The following DDR1 variants were observed in gnomAD, a reference collection of about 807,000 sequenced individuals.
The protein encoded by DDR1 is discoidin domain receptor tyrosine kinase 1, also known as epithelial discoidin domain-containing receptor 1.
DDR1 carries 64 observed loss-of-function variants against 97.4 expected under a neutral mutation model. The ratio of observed to expected loss-of-function variants is 0.66; its 90% confidence interval spans 0.54 to 0.81. The LOEUF (loss-of-function observed/expected upper bound fraction) is 0.81. DDR1 is among the 30% of genes least tolerant of loss of function. The pLI is 0.00. For synonymous variants in DDR1, 458 were observed against 503.7 expected (o/e 0.91, Z 1.21); for missense variants, 990 against 1,259.6 (o/e 0.79, Z 3.24).
chr6:30,898,437 T>C, intron 16 of DDR1, 130 bp downstream of exon 16: 1 of 715,530 alleles, frequency 1.4e-6, no homozygotes, highest in East Asian at 2.7e-5. Flanking sequence ...ATCTATAATA[T>C]GAGGTTCTCC....
In DDR1 at chr6:30,890,956, T is replaced by G; in HGVS notation, c.418-17T>G. On this transcript the variant is annotated splice_polypyrimidine_tract_variant and intron_variant, in intron 4 of 17. Coordinates refer to ENST00000376568, the MANE Select transcript of DDR1 (RefSeq NM_001297654.2). This position sits in a 1 kb window ranked among gnomAD's most constrained non-coding sequence, Gnocchi z 5.0. ...CCTGGACTCCATCCCACCCACCCCCTGTTTCCTGGCCCACAGGTGATCTCA... is the reference window on the plus strand; with the variant it reads ...CCTGGACTCCATCCCACCCACCCCCGGTTTCCTGGCCCACAGGTGATCTCA... The G allele has an allele frequency of 6.1e-6, 8 of 1,317,464 alleles. No homozygotes were observed. The highest frequency in any genetic ancestry group is 8.2e-6 in the Non-Finnish European group (8 of 970,180). 81.6% of individuals were successfully genotyped at this position (1,317,464 alleles called of 1,614,324 possible). A position where few individuals can be genotyped will look rare whatever the true frequency, so the allele number is the denominator to read the frequency against.
At position 30,899,049 on chromosome 6, in the gene DDR1, G is replaced by A. The variant is rs1384232524; in HGVS notation, c.2601+12G>A. 1 of 1,614,048 alleles carries A rather than the reference G, an allele frequency of 6.2e-7. No homozygotes were observed. Among genetic ancestry groups the A allele is most frequent in the East Asian group, 2.2e-5 (1 of 44,882 alleles). Reference sequence around the variant, plus strand: ...ACCAGGGCCGGCAGGTCAGAGTGGAGGAGAGGGAAGATGGGTCCGAGGCGG... The same window carrying A: ...ACCAGGGCCGGCAGGTCAGAGTGGAAGAGAGGGAAGATGGGTCCGAGGCGG... On this transcript the variant is annotated intron_variant, in intron 17 of 17. Coordinates refer to ENST00000376568, the MANE Select transcript of DDR1 (RefSeq NM_001297654.2).
rs1582065313 is a variant in DDR1 at position 30,892,842 on chromosome 6, C to T, written c.1100-226C>T. The T allele has an allele frequency of 1.0e-5, 6 of 589,424 alleles. No homozygotes were observed. In the East Asian group the frequency reaches 1.7e-4, roughly 17 times the overall value. 36.5% of individuals were successfully genotyped at this position (589,424 alleles called of 1,614,324 possible). A position where few individuals can be genotyped will look rare whatever the true frequency, so the allele number is the denominator to read the frequency against. ...TTGAGAAATAGCCTCTTCTCTAAGC[C>T]TCCAGATACCTGTCCTCCACCTCCC... On this transcript the variant is annotated intron_variant, in intron 8 of 17. Transcript: ENST00000376568.
intron 1 of DDR1, among the ~76,000 whole-genome samples, chr6:30,887,517 A>G (rs920404273): frequency 1.1e-4 from 17 of 152,048 alleles, no homozygotes; most frequent in South Asian, 1.0e-3. Context: ...TGTTTATTCT[A>G]TTTTCAAAAG....
intron 16 of DDR1, 87 bp downstream of exon 16, chr6:30,898,394 A>G (rs1445357941): frequency 4.1e-6 from 4 of 967,394 alleles, no homozygotes; most frequent in Admixed American, 2.2e-5. Context: ...CATCAGTCAC[A>G]CACTTTCTCT....
In DDR1 at chr6:30,892,647, C is replaced by T. The variant is rs376005826; in HGVS notation, c.1099+105C>T. On this transcript the variant is annotated intron_variant, in intron 8 of 17. Coordinates refer to ENST00000376568, the MANE Select transcript of DDR1 (RefSeq NM_001297654.2). Reference sequence around the variant, plus strand: ...TACTCATTCCTTGCATTATATCTACCCATCACCCACCGAAACTTCTCAATT... The same window carrying T: ...TACTCATTCCTTGCATTATATCTACTCATCACCCACCGAAACTTCTCAATT... 5,161 of 1,433,916 alleles carry T rather than the reference C, an allele frequency of 3.6e-3. 3 individuals are homozygous for T. The highest frequency in any genetic ancestry group is 4.2e-3 in the Non-Finnish European group (4,523 of 1,081,826). The allele number at this position is 1,433,916 out of a possible 1,614,324, so 88.8% of individuals were successfully genotyped here.
rs1193559823 is a variant in DDR1, at chr6:30,898,960, G to A, written c.2524G>A (p.Ala842Thr). The change falls in exon 17 of 18, where the codon GCC becomes ACC. Residue 842 changes from alanine to threonine, a missense_variant. Physicochemically the swap from Ala to Thr is moderately conservative, Grantham distance 58. Transcript: ENST00000376568. ...TLWEVLMLCR[A>T]QPFGQLTDEQ... ...GTGGGAGGTGCTGATGCTCTGTAGG[G>A]CCCAGCCCTTTGGGCAGCTCACCGA... 6.2e-7 allele frequency: 1 copy of A among 1,614,160 alleles called. No individual in the cohort carries two copies. Among genetic ancestry groups the A allele is most frequent in the South Asian group, 1.1e-5 (1 of 91,088 alleles).
rs1262434732 is a variant in DDR1, at chr6:30,890,984, C to G, written c.429C>G (p.Gly143=). 1.2e-6 allele frequency: 2 copies of G among 1,605,328 alleles called. No individual in the cohort carries two copies. Among genetic ancestry groups the G allele is most frequent in the Non-Finnish European group, 1.7e-6 (2 of 1,176,214 alleles). Residue 143 remains glycine (G), a synonymous_variant, in exon 5 of 18, where the codon GGC becomes GGG. Coordinates refer to ENST00000376568, the MANE Select transcript of DDR1 (RefSeq NM_001297654.2). This position sits in a 1 kb window ranked among gnomAD's most constrained non-coding sequence, Gnocchi z 5.0. ...TTCCTGGCCCACAGGTGATCTCAGG[C>G]AATGAGGACCCTGAGGGAGTGGTGC... ...KDRWGQEVIS[G]NEDPEGVVLK... is the part of the protein sequence containing the mutation.
chr6:30,898,899 G>C lies in DDR1; in HGVS notation c.2463G>C (p.Thr821=). The stretch of plus-strand genomic sequence containing the variant: ...TCTCTGCATCCCAGGGGAAGTTCAC[G>C]ACTGCGAGTGACGTGTGGGCCTTTG... The part of the protein sequence containing the change: ...AWECILMGKF[T]TASDVWAFGV... The change falls in exon 17 of 18, where the codon ACG becomes ACC. Residue 821 remains threonine (T), a synonymous_variant. Coordinates refer to ENST00000376568, the MANE Select transcript of DDR1 (RefSeq NM_001297654.2). 1 of 1,607,096 alleles carries C rather than the reference G, an allele frequency of 6.2e-7. No individual in the cohort carries two copies. The highest frequency in any genetic ancestry group is 8.5e-7 in the Non-Finnish European group (1 of 1,174,270).
upstream of DDR1, among the ~76,000 whole-genome samples, chr6:30,882,328 A>G (rs938107330): frequency 6.6e-6 from 1 of 152,046 alleles, no homozygotes; most frequent in Non-Finnish European, 1.5e-5. This position sits in a 1 kb window ranked among gnomAD's most constrained non-coding sequence, Gnocchi z 4.8. Flanking sequence ...GAAGCCCAGG[A>G]TGGGAGGGGA....
rs763660851 is a variant in DDR1 at position 30,897,079 on chromosome 6, T to C, written c.1935T>C (p.Arg645=). The change falls in exon 14 of 18, where the codon CGT becomes CGC. Residue 645 remains arginine, a synonymous_variant. Transcript: ENST00000376568. The surrounding 1 kb of genome is among the most constrained non-coding windows in gnomAD (Gnocchi z 5.2). ...GTCTTGATTTCCCCCTTAATGTGCGTAAGGGACACCCTTTGCTGGTAGCTG... is the reference window on the plus strand; with the variant it reads ...GTCTTGATTTCCCCCTTAATGTGCGCAAGGGACACCCTTTGCTGGTAGCTG... ...LVSLDFPLNV[R]KGHPLLVAVK... is the part of the protein sequence containing the mutation. 108 of 1,613,728 alleles carry C rather than the reference T, an allele frequency of 6.7e-5. No individual in the cohort carries two copies. The highest frequency in any genetic ancestry group is 8.5e-5 in the Non-Finnish European group (100 of 1,179,940).
chr6:30,895,471 G>T lies in DDR1; in HGVS notation c.1581G>T (p.Pro527=). Residue 527 remains proline, a synonymous_variant, in exon 12 of 18, where the codon CCG becomes CCT. Transcript: ENST00000376568. The part of the protein sequence containing the change: ...LATYARPPRG[P]GPPTPAWAKP... ...CTTACGCCCGTCCCCCTCGAGGCCC[G>T]GGCCCCCCCACACCCGCCTGGGCCA... The T allele has an allele frequency of 6.2e-7, 1 of 1,605,718 alleles. No homozygotes were observed. The highest frequency in any genetic ancestry group is 8.5e-7 in the Non-Finnish European group (1 of 1,178,456).
chr6:30,896,394 A>G (rs1790759121), intron 12 of DDR1, among the ~76,000 whole-genome samples: 1 of 152,084 alleles, frequency 6.6e-6, no homozygotes, highest in Non-Finnish European at 1.5e-5. Flanking sequence ...GTTTTGCTCA[A>G]CCATATTCAT....
In DDR1 at chr6:30,884,611, G is replaced by A. The variant is rs147143466; in HGVS notation, c.-142G>A. ...CCGGCGCCTCCCGCTCCCGGCTCCC[G>A]GCTCCTGGCTCCCTCCGCCTCCCCC... is the stretch of plus-strand genomic sequence containing the variant. On this transcript the variant is annotated 5_prime_UTR_variant, in exon 1 of 18. Transcript: ENST00000376568. The surrounding 1 kb of genome is among the most constrained non-coding windows in gnomAD (Gnocchi z 6.1). The A allele has an allele frequency of 0.038, 5,838 of 152,242 alleles. 256 individuals are homozygous for A. Among genetic ancestry groups the A allele is most frequent in the African/African-American group, 0.099 (4,110 of 41,420 alleles). The allele number at this position is 152,242 out of a possible 1,614,324, so 9.4% of individuals were successfully genotyped here. A position where few individuals can be genotyped will look rare whatever the true frequency, so the allele number is the denominator to read the frequency against.
chr6:30,889,428 G>GGGCC lies in DDR1; in HGVS notation c.415_416insGGCC (p.Glu139GlyfsTer8). Reference sequence around the variant, plus strand: ...GGGCTGGAAGGACCGCTGGGGTCAGGAGGTGAGACTGGCAGGGGCAGCACC... The same window carrying GGGCC: ...GGGCTGGAAGGACCGCTGGGGTCAGGGGCCAGGTGAGACTGGCAGGGGCAGCACC... On this transcript the variant is annotated frameshift_variant and splice_region_variant, in exon 4 of 18. Coordinates refer to ENST00000376568, the MANE Select transcript of DDR1 (RefSeq NM_001297654.2). LOFTEE classifies it high-confidence loss of function. This position sits in a 1 kb window ranked among gnomAD's most constrained non-coding sequence, Gnocchi z 4.9. 6.5e-7 allele frequency: 1 copy of GGGCC among 1,529,946 alleles called. No individual in the cohort carries two copies. The highest frequency in any genetic ancestry group is 8.8e-7 in the Non-Finnish European group (1 of 1,139,948). 94.8% of individuals were successfully genotyped at this position (1,529,946 alleles called of 1,614,324 possible). A position where few individuals can be genotyped will look rare whatever the true frequency, so the allele number is the denominator to read the frequency against.
In DDR1 at chr6:30,894,683, C is replaced by T; in HGVS notation, c.1513+12C>T. 2 of 1,581,790 alleles carry T rather than the reference C, an allele frequency of 1.3e-6. No homozygotes were observed. The highest frequency in any genetic ancestry group is 1.7e-6 in the Non-Finnish European group (2 of 1,162,156). ...CCCCAATGGCTCTGGTAAGACCTGC[C>T]TTGTTCCAGTCGCACCTCTGTCCTC... On this transcript the variant is annotated intron_variant, in intron 11 of 17. Coordinates refer to ENST00000376568, the MANE Select transcript of DDR1 (RefSeq NM_001297654.2). The surrounding 1 kb of genome is among the most constrained non-coding windows in gnomAD (Gnocchi z 5.7).
chr6:30,891,468 T>C lies in DDR1; in HGVS notation c.654T>C (p.His218=). 1.2e-6 allele frequency: 2 copies of C among 1,612,374 alleles called. No individual in the cohort carries two copies. Among genetic ancestry groups the C allele is most frequent in the Non-Finnish European group, 1.7e-6 (2 of 1,179,796 alleles). ...VYLNDSTYDG[H]TVGGLQYGGL... is the part of the protein sequence containing the mutation. ...TCAACGACTCCACCTATGACGGACA[T>C]ACCGTGGGCGGGTAAGAAAGGCCCC... Residue 218 remains histidine, a synonymous_variant, in exon 6 of 18, where the codon CAT becomes CAC. Transcript: ENST00000376568. The surrounding 1 kb of genome is among the most constrained non-coding windows in gnomAD (Gnocchi z 5.3).
chr6:30,883,683 T>TCCTGAGTCCC (rs1562359411), upstream of DDR1: 1 of 152,336 alleles, frequency 6.6e-6, no homozygotes, highest in Non-Finnish European at 1.5e-5. This position sits in a 1 kb window ranked among gnomAD's most constrained non-coding sequence, Gnocchi z 4.9. Context: ...CCCTGAGGAC[T>TCCTGAGTCCC]CCTGAGTCCC....
At chr6:30,885,554 C>T in intron 1 of DDR1, 1 of 1,401,298 alleles carries the variant, frequency 7.1e-7, no homozygotes, top group Non-Finnish European at 9.4e-7. Context: ...TGCCCAAGGG[C>T]CCGGGTGTGT....
Sources: allele counts gnomAD v4.1 joint callset (sites outside exome capture counted in the v4.1 genomes callset), GRCh38; gene constraint gnomAD v4.1.1; non-coding constraint Gnocchi (gnomAD v3.1); transcripts MANE v1.5; gene names NCBI Gene and HGNC (gene_info 2026-07-23, HGNC 2026-07-21).